The following GALNT13 variants were observed in gnomAD, a reference collection of about 807,000 sequenced individuals.
GALNT13 encodes the protein polypeptide N-acetylgalactosaminyltransferase 13, also known as UDP-GalNAc:polypeptide N-acetylgalactosaminyltransferase 13.
Under a neutral mutation model 64.2 loss-of-function variants are expected in GALNT13, and 28 were observed. The ratio of observed to expected loss-of-function variants is 0.44; its 90% confidence interval spans 0.32 to 0.60. GALNT13 has a LOEUF of 0.60. Among genes scored for constraint, GALNT13 ranks in the 20% least tolerant of loss-of-function variants. GALNT13 has a pLI of 0.05. For synonymous variants in GALNT13, 214 were observed against 224.6 expected, an observed-to-expected ratio of 0.95 and a Z score of 0.42; for missense variants, 577 against 669.8, an observed-to-expected ratio of 0.86 and a Z score of 1.53.
intron 3 of GALNT13, among the ~76,000 whole-genome samples, chr2:154,078,124 T>A (rs531221372): frequency 1.3e-5 from 2 of 151,602 alleles, no homozygotes; most frequent in African/African-American, 4.8e-5. Flanking sequence ...GTGAAAGAAA[T>A]TAAAGTTTAA....
At chr2:154,278,059 CTATTT>C (rs1691748327) in intron 8 of GALNT13, among the ~76,000 whole-genome samples, 1 of 152,092 alleles carries the variant, frequency 6.6e-6, no homozygotes, top group African/African-American at 2.4e-5. Flanking sequence ...TATTTTTTCT[CTATTT>C]TAAGTGGTCA....
chr2:154,350,754 A>G (rs1032729686), intron 9 of GALNT13, among the ~76,000 whole-genome samples: 1 of 152,210 alleles, frequency 6.6e-6, no homozygotes, highest in Non-Finnish European at 1.5e-5. Context: ...AAGGTACAGT[A>G]GCCCTCATAT....
chr2:153,350,571 C>T, the GALNT13 span, among the ~76,000 whole-genome samples: 2 of 151,878 alleles, frequency 1.3e-5, no homozygotes, highest in Non-Finnish European at 2.9e-5. Context: ...CTAGTAGAGA[C>T]AGGGTTTTAC....
At chr2:154,023,116 G>A (rs906403829) in intron 3 of GALNT13, among the ~76,000 whole-genome samples, 2 of 152,126 alleles carry the variant, frequency 1.3e-5, no homozygotes, top group African/African-American at 4.8e-5. Flanking sequence ...TTCCAACTAT[G>A]TGGCCAGTTT....
intron 7 of GALNT13, among the ~76,000 whole-genome samples, chr2:154,249,234 G>A (rs1296344834): frequency 6.6e-6 from 1 of 152,140 alleles, no homozygotes; most frequent in Non-Finnish European, 1.5e-5. Context: ...TGTTCTATTT[G>A]TATTCCATGC....
chr2:154,218,778 T>C (rs1308660823), intron 4 of GALNT13, among the ~76,000 whole-genome samples: 1 of 152,132 alleles, frequency 6.6e-6, no homozygotes, highest in East Asian at 1.9e-4. Context: ...TAGTATTCAT[T>C]TTAGATACAC....
At chr2:154,059,768 A>G (rs1461544143) in intron 3 of GALNT13, among the ~76,000 whole-genome samples, 3 of 152,140 alleles carry the variant, frequency 2.0e-5, no homozygotes, top group Non-Finnish European at 4.4e-5. Context: ...TTTCCTTCTT[A>G]TTAGCATTAT....
chr2:154,329,136 A>T (rs1200505142), intron 9 of GALNT13, among the ~76,000 whole-genome samples: 1 of 152,036 alleles, frequency 6.6e-6, no homozygotes, highest in African/African-American at 2.4e-5. Context: ...AGATGAATCT[A>T]GCTCTGTCAC....
chr2:153,088,670 T>A, the GALNT13 span, among the ~76,000 whole-genome samples: 1 of 152,306 alleles, frequency 6.6e-6, no homozygotes, highest in Non-Finnish European at 1.5e-5. Context: ...TATTTGGAAT[T>A]GTGATTTTTT....
chr2:154,097,462 T>C (rs1702132372), intron 3 of GALNT13, among the ~76,000 whole-genome samples: 1 of 152,102 alleles, frequency 6.6e-6, no homozygotes, highest in Non-Finnish European at 1.5e-5. Flanking sequence ...ATGAAGCCTG[T>C]TTCTGTACTT....
the GALNT13 span, among the ~76,000 whole-genome samples, chr2:153,425,321 A>G: frequency 1.3e-5 from 2 of 151,682 alleles, no homozygotes; most frequent in Non-Finnish European, 3.0e-5. Flanking sequence ...GCAATATTTT[A>G]TTATTAAAAA....
At chr2:153,977,563 G>A (rs547370627) in intron 3 of GALNT13, among the ~76,000 whole-genome samples, 2 of 152,232 alleles carry the variant, frequency 1.3e-5, no homozygotes, top group African/African-American at 4.8e-5. Flanking sequence ...CCTCCACCTG[G>A]TCCCTCCCAC....
the GALNT13 span, among the ~76,000 whole-genome samples, chr2:153,127,669 C>T: frequency 6.6e-6 from 1 of 152,160 alleles, no homozygotes; most frequent in African/African-American, 2.4e-5. Flanking sequence ...CAATACAGCC[C>T]TGAGGTATCT....
chr2:154,186,133 G>A (rs1473127178), intron 4 of GALNT13, among the ~76,000 whole-genome samples: 1 of 151,836 alleles, frequency 6.6e-6, no homozygotes, highest in Non-Finnish European at 1.5e-5. Context: ...TGTAATTTTT[G>A]TTTAAAATCT....
At chr2:154,288,479 A>G (rs1692407627) in intron 8 of GALNT13, among the ~76,000 whole-genome samples, 2 of 152,186 alleles carry the variant, frequency 1.3e-5, no homozygotes, top group South Asian at 4.1e-4. Flanking sequence ...AAAAGTCCAC[A>G]GTCCAAAGTC....
intron 1 of GALNT13, among the ~76,000 whole-genome samples, chr2:153,873,404 C>T (rs576842149): frequency 6.6e-6 from 1 of 152,226 alleles, no homozygotes; most frequent in East Asian, 1.9e-4. Flanking sequence ...CCCGCATACC[C>T]GATTCTTTGA....
the GALNT13 span, among the ~76,000 whole-genome samples, chr2:153,720,499 G>A: frequency 9.2e-5 from 14 of 151,516 alleles, no homozygotes; most frequent in East Asian, 1.9e-4. Flanking sequence ...GGCTTCAGAC[G>A]ATCAAATTAC....
At chr2:154,281,778 G>A (rs139116867) in intron 8 of GALNT13, among the ~76,000 whole-genome samples, 120 of 151,910 alleles carry the variant, frequency 7.9e-4, no homozygotes, top group Non-Finnish European at 2.4e-4. Context: ...ACACACCTTT[G>A]CATTCTTTCA....
At chr2:153,967,622 G>A (rs902741209) in intron 3 of GALNT13, among the ~76,000 whole-genome samples, 1 of 152,146 alleles carries the variant, frequency 6.6e-6, no homozygotes, top group Non-Finnish European at 1.5e-5. Flanking sequence ...ACTGCCTGGA[G>A]TTGAGGGAGG....
Sources: allele counts gnomAD v4.1 joint callset (sites outside exome capture counted in the v4.1 genomes callset), GRCh38; gene constraint gnomAD v4.1.1; transcripts MANE v1.5; gene names NCBI Gene and HGNC (gene_info 2026-07-23, HGNC 2026-07-21).